The following SLC5A4 variants were observed in gnomAD, a reference collection of about 807,000 sequenced individuals.
SLC5A4 encodes the protein solute carrier family 5 member 4.
In SLC5A4, 55 loss-of-function variants were observed where a neutral mutation model predicts 70.3. That is an observed-to-expected ratio of 0.78 (90% CI 0.63 to 0.98). SLC5A4 has a LOEUF of 0.98. Ranked by LOEUF, SLC5A4 falls within the 50% of genes least tolerant of loss-of-function variation. SLC5A4 has a pLI of 0.00. For synonymous variants in SLC5A4, 268 were observed against 305.7 expected (o/e 0.88, Z 1.29); for missense variants, 735 against 839.2 (o/e 0.88, Z 1.53).
the SLC5A4 span, among the ~76,000 whole-genome samples, chr22:32,354,008 A>C: frequency 1.3e-3 from 145 of 108,216 alleles, no homozygotes; most frequent in African/African-American, 1.7e-3. Context: ...CACCCAACCC[A>C]CCCCCTGCGC....
chr22:32,291,474 G>T, the SLC5A4 span, among the ~76,000 whole-genome samples: 1 of 152,090 alleles, frequency 6.6e-6, no homozygotes, highest in Non-Finnish European at 1.5e-5. Flanking sequence ...ACTGCGCCGG[G>T]GTCAACTGTT....
the SLC5A4 span, among the ~76,000 whole-genome samples, chr22:32,299,655 C>G: frequency 1.0e-5 from 1 of 100,122 alleles, no homozygotes; most frequent in Non-Finnish European, 2.1e-5. Context: ...TCTCTCAGCT[C>G]GTCAAAGTCA....
At chr22:32,230,086 C>G (rs1391954356) in intron 10 of SLC5A4, among the ~76,000 whole-genome samples, 3 of 152,146 alleles carry the variant, frequency 2.0e-5, no homozygotes, top group Non-Finnish European at 4.4e-5. Flanking sequence ...TTCCCTCTGC[C>G]CATTAGTAAC....
the SLC5A4 span, among the ~76,000 whole-genome samples, chr22:32,315,659 A>G: frequency 9.9e-5 from 15 of 152,088 alleles, no homozygotes; most frequent in African/African-American, 3.6e-4. Flanking sequence ...AACAAAGACA[A>G]CAGAGACCGT....
intron 5 of SLC5A4, among the ~76,000 whole-genome samples, chr22:32,242,704 G>A (rs566940545): frequency 1.5e-4 from 23 of 151,652 alleles, no homozygotes; most frequent in South Asian, 4.2e-4. Flanking sequence ...GTGAGACTCC[G>A]TCTCAAAAAA....
At chr22:32,302,733 C>T in the SLC5A4 span, among the ~76,000 whole-genome samples, 72,857 of 151,978 alleles carry the variant, frequency 0.48, 17,628 homozygotes, top group Admixed American at 0.51. Flanking sequence ...GCTATATAAG[C>T]AGTAAAATTG....
the SLC5A4 span, among the ~76,000 whole-genome samples, chr22:32,331,239 T>TGC: frequency 6.6e-6 from 1 of 150,544 alleles, no homozygotes; most frequent in Non-Finnish European, 1.5e-5. Flanking sequence ...TGTGTGTGTG[T>TGC]TGGGGCACCA....
the SLC5A4 span, among the ~76,000 whole-genome samples, chr22:32,314,863 C>T: frequency 0.34 from 52,268 of 151,904 alleles, 9,340 homozygotes; most frequent in East Asian, 0.62. Flanking sequence ...TCCCATCAGA[C>T]CTCATGAAAT....
chr22:32,333,858 C>CCA, the SLC5A4 span, among the ~76,000 whole-genome samples: 2 of 150,628 alleles, frequency 1.3e-5, no homozygotes, highest in Non-Finnish European at 3.0e-5. Flanking sequence ...CACACACACA[C>CCA]CACAGACACC....
chr22:32,247,800 G>A (rs995641077), intron 4 of SLC5A4, among the ~76,000 whole-genome samples: 2 of 152,168 alleles, frequency 1.3e-5, no homozygotes, highest in Non-Finnish European at 2.9e-5. Flanking sequence ...TCCCACTGCC[G>A]GTTGGGTGTC....
At chr22:32,325,674 C>T in the SLC5A4 span, among the ~76,000 whole-genome samples, 1 of 152,264 alleles carries the variant, frequency 6.6e-6, no homozygotes, top group Non-Finnish European at 1.5e-5. Context: ...CTGATTATCT[C>T]CTCTGCGCCG....
the SLC5A4 span, among the ~76,000 whole-genome samples, chr22:32,330,254 G>A: frequency 8.9e-6 from 1 of 112,934 alleles, no homozygotes; most frequent in South Asian, 3.4e-4. Flanking sequence ...TGTGTTGGGG[G>A]GCTCTGGTGT....
the SLC5A4 span, chr22:32,271,888 G>A: frequency 1.2e-5 from 7 of 588,844 alleles, no homozygotes; most frequent in African/African-American, 5.5e-5. Context: ...ACCATGTGGA[G>A]TCCAAGATGT....
chr22:32,252,064 C>G (rs1927197989), intron 2 of SLC5A4, among the ~76,000 whole-genome samples, 190 bp from the exon 3 acceptor site: 1 of 148,440 alleles, frequency 6.7e-6, no homozygotes, highest in African/African-American at 2.6e-5. Context: ...CCCATCTTTA[C>G]TCAAAATACA....
At chr22:32,347,806 G>A in the SLC5A4 span, among the ~76,000 whole-genome samples, 1 of 151,542 alleles carries the variant, frequency 6.6e-6, no homozygotes, top group Non-Finnish European at 1.5e-5. Context: ...GTATACACAT[G>A]TAACAAACCT....
the SLC5A4 span, among the ~76,000 whole-genome samples, chr22:32,311,180 A>C: frequency 2.0e-5 from 3 of 152,204 alleles, no homozygotes; most frequent in African/African-American, 7.2e-5. Context: ...AGTTCCCGGC[A>C]GAACACTCGC....
intron 1 of SLC5A4, among the ~76,000 whole-genome samples, 184 bp from the exon 2 acceptor site, chr22:32,254,397 C>T (rs994968014): frequency 6.6e-6 from 1 of 152,152 alleles, no homozygotes; most frequent in East Asian, 1.9e-4. Flanking sequence ...TTGTAAAAAC[C>T]CAGGGCTGGA....
the SLC5A4 span, among the ~76,000 whole-genome samples, chr22:32,289,745 T>C: frequency 6.6e-6 from 1 of 152,370 alleles, no homozygotes; most frequent in African/African-American, 2.4e-5. Context: ...GTCTTAAGTA[T>C]GTCTTATAGT....
intron 5 of SLC5A4, among the ~76,000 whole-genome samples, chr22:32,245,559 T>C (rs1007668795): frequency 3.9e-5 from 6 of 152,228 alleles, no homozygotes; most frequent in African/African-American, 1.4e-4. Context: ...CTCGCTCTTG[T>C]CACTAGGCCG....
Sources: allele counts gnomAD v4.1 joint callset (sites outside exome capture counted in the v4.1 genomes callset), GRCh38; gene constraint gnomAD v4.1.1; transcripts MANE v1.5; gene names NCBI Gene and HGNC (gene_info 2026-07-23, HGNC 2026-07-21).